Variants in TAF3 observed in about 807,000 individuals in gnomAD.
TAF3 encodes TATA-box binding protein associated factor 3.
A neutral mutation model predicts 80.6 loss-of-function variants in TAF3; 7 were observed. The observed-to-expected ratio is 0.09, with a 90% CI of 0.05 to 0.16. The LOEUF is 0.16. Among genes scored for constraint, TAF3 ranks in the 10% least tolerant of loss-of-function variants. The pLI, the probability that TAF3 is intolerant of heterozygous loss-of-function variation, is 1.00. For synonymous variants in TAF3, 444 were observed against 446.1 expected (o/e 1.00, Z 0.06); for missense variants, 921 against 1,140.2 (o/e 0.81, Z 2.77).
intron 2 of TAF3, among the ~76,000 whole-genome samples, chr10:7,953,775 T>C (rs1838106713): frequency 6.6e-6 from 1 of 152,246 alleles, no homozygotes; most frequent in South Asian, 2.1e-4. Context: ...GTGCACATCA[T>C]AGGCAAATGA....
intron 2 of TAF3, among the ~76,000 whole-genome samples, chr10:7,838,722 C>T (rs1836877973): frequency 6.6e-6 from 1 of 152,024 alleles, no homozygotes; most frequent in Admixed American, 6.6e-5. Flanking sequence ...TCTTGAATAC[C>T]TTCTGGCCCC....
At chr10:7,911,356 TACTTA>T (rs1588548857) in intron 2 of TAF3, among the ~76,000 whole-genome samples, 1 of 152,208 alleles carries the variant, frequency 6.6e-6, no homozygotes, top group Non-Finnish European at 1.5e-5. Flanking sequence ...TAAGAGAAAA[TACTTA>T]AGTTACTGAA....
chr10:7,858,648 T>G (rs966994135), intron 2 of TAF3, among the ~76,000 whole-genome samples: 1 of 152,234 alleles, frequency 6.6e-6, no homozygotes, highest in Non-Finnish European at 1.5e-5. Context: ...TATCTACTGT[T>G]AATGAGAACT....
chr10:7,874,130 T>C (rs1471468587), intron 2 of TAF3, among the ~76,000 whole-genome samples: 1 of 152,246 alleles, frequency 6.6e-6, no homozygotes, highest in African/African-American at 2.4e-5. Context: ...ATATAAAATA[T>C]ACCTCTTATT....
intron 2 of TAF3, among the ~76,000 whole-genome samples, chr10:7,838,394 GTT>G (rs978603666): frequency 1.2e-4 from 18 of 151,688 alleles, no homozygotes; most frequent in African/African-American, 3.6e-4. Context: ...TTGTTTGTTT[GTT>G]TTTGAGACAG....
chr10:8,005,671 A>T (rs768165), intron 4 of TAF3, among the ~76,000 whole-genome samples: 4,705 of 152,266 alleles, frequency 0.031, 107 homozygotes, highest in African/African-American at 0.057. Flanking sequence ...TTTTCCCTTT[A>T]GCTTTGGTTC....
At chr10:7,997,824 A>G (rs1039535710) in intron 4 of TAF3, among the ~76,000 whole-genome samples, 5 of 152,208 alleles carry the variant, frequency 3.3e-5, no homozygotes, top group Non-Finnish European at 7.3e-5. Flanking sequence ...ATAGAGAAGC[A>G]AAGCACCGTC....
intron 4 of TAF3, among the ~76,000 whole-genome samples, chr10:7,996,842 ATTTT>A (rs34866346): frequency 1.5e-5 from 2 of 131,922 alleles, no homozygotes; most frequent in Non-Finnish European, 3.2e-5. Flanking sequence ...ACCACACTCT[ATTTT>A]TTTTTTTTTT....
intron 2 of TAF3, among the ~76,000 whole-genome samples, chr10:7,951,090 T>G (rs1477856792): frequency 5.9e-5 from 9 of 152,244 alleles, no homozygotes; most frequent in Non-Finnish European, 1.3e-4. Flanking sequence ...GAAAATGTTG[T>G]GACCAGAGAC....
At chr10:8,011,019 C>G (rs1832050034) in intron 5 of TAF3, among the ~76,000 whole-genome samples, 1 of 152,158 alleles carries the variant, frequency 6.6e-6, no homozygotes, top group Non-Finnish European at 1.5e-5. Context: ...AGTGTTTATA[C>G]AGATTACGTT....
intron 4 of TAF3, among the ~76,000 whole-genome samples, chr10:7,981,450 T>C (rs997738686): frequency 3.9e-5 from 6 of 152,176 alleles, no homozygotes; most frequent in Non-Finnish European, 7.3e-5. Context: ...CTAATAAATA[T>C]CTCATAATAT....
chr10:7,835,865 G>T (rs905674264), intron 2 of TAF3, among the ~76,000 whole-genome samples: 1 of 152,140 alleles, frequency 6.6e-6, no homozygotes, highest in Non-Finnish European at 1.5e-5. Context: ...GCACTGATGG[G>T]TGTACTCTGT....
At chr10:7,947,399 G>A (rs925355794) in intron 2 of TAF3, among the ~76,000 whole-genome samples, 12 of 147,144 alleles carry the variant, frequency 8.2e-5, no homozygotes, top group African/African-American at 3.0e-4. Context: ...CTTCCAGCAT[G>A]AAGCTTATTG....
At chr10:8,001,645 T>C (rs1812232655) in intron 4 of TAF3, among the ~76,000 whole-genome samples, 1 of 152,190 alleles carries the variant, frequency 6.6e-6, no homozygotes, top group African/African-American at 2.4e-5. Flanking sequence ...AGAAATTGTG[T>C]CCTACCCCAA....
chr10:7,822,267 G>A (rs574871409), intron 1 of TAF3, among the ~76,000 whole-genome samples: 13 of 150,388 alleles, frequency 8.6e-5, no homozygotes, highest in African/African-American at 3.2e-4. Flanking sequence ...AAAGGTGGCC[G>A]AAGGGGACGG....
chr10:7,877,253 T>G (rs972935067), intron 2 of TAF3, among the ~76,000 whole-genome samples: 1 of 152,194 alleles, frequency 6.6e-6, no homozygotes, highest in African/African-American at 2.4e-5. Flanking sequence ...TCTAAAAAGC[T>G]ACCTGACTTT....
chr10:8,009,069 T>G lies in TAF3; in HGVS notation c.2316-9T>G. 1 of 1,597,088 alleles carries G rather than the reference T, an allele frequency of 6.3e-7. No individual in the cohort carries two copies. Among genetic ancestry groups the G allele is most frequent in the Non-Finnish European group, 8.5e-7 (1 of 1,172,046 alleles). On this transcript the variant is annotated splice_polypyrimidine_tract_variant and intron_variant, in intron 4 of 6. Coordinates refer to ENST00000344293, the MANE Select transcript of TAF3 (RefSeq NM_031923.4). This position sits in a 1 kb window ranked among gnomAD's most constrained non-coding sequence, Gnocchi z 4.1. ...TTTTGACTTTTACCTTCTCTTCTTT[T>G]GTTGACAGTGTCATCAGCAAGGTGG...
chr10:7,882,891 C>T (rs980245948), intron 2 of TAF3, among the ~76,000 whole-genome samples: 8 of 152,156 alleles, frequency 5.3e-5, no homozygotes, highest in Non-Finnish European at 1.0e-4. Context: ...CACTTTACAT[C>T]GTTTGCTTTT....
intron 2 of TAF3, among the ~76,000 whole-genome samples, chr10:7,843,814 A>G (rs1000193464): frequency 6.6e-6 from 1 of 152,130 alleles, no homozygotes; most frequent in Non-Finnish European, 1.5e-5. Context: ...CATATTATGT[A>G]GTGAAAATAT....
Sources: allele counts gnomAD v4.1 joint callset (sites outside exome capture counted in the v4.1 genomes callset), GRCh38; gene constraint gnomAD v4.1.1; non-coding constraint Gnocchi (gnomAD v3.1); transcripts MANE v1.5; gene names NCBI Gene and HGNC (gene_info 2026-07-23, HGNC 2026-07-21).